Variants in TRAF3IP2 observed in about 807,000 individuals in gnomAD.
The protein encoded by TRAF3IP2 is E3 ubiquitin ligase TRAF3IP2.
Under a neutral mutation model 57.9 loss-of-function variants are expected in TRAF3IP2, and 35 were observed. That is an observed-to-expected ratio of 0.60 (90% CI 0.46 to 0.80). TRAF3IP2 has a LOEUF of 0.80. TRAF3IP2 is among the 30% of genes least tolerant of loss of function. The pLI, the probability that TRAF3IP2 is intolerant of heterozygous loss-of-function variation, is 0.00. For synonymous variants in TRAF3IP2, 251 were observed against 268.9 expected, an observed-to-expected ratio of 0.93 and a Z score of 0.65; for missense variants, 556 against 706.4, an observed-to-expected ratio of 0.79 and a Z score of 2.41.
chr6:111,577,118 G>T (rs1796014923), intron 3 of TRAF3IP2: 1 of 148,902 alleles, frequency 6.7e-6, no homozygotes, highest in East Asian at 1.9e-4. Context: ...TTCAGCTAAT[G>T]GGGGATCCCA....
intron 5 of TRAF3IP2, among the ~76,000 whole-genome samples, chr6:111,571,910 G>A (rs1795843983): frequency 1.4e-5 from 2 of 144,618 alleles, no homozygotes; most frequent in African/African-American, 5.2e-5. Flanking sequence ...TCTAGACTCT[G>A]TCTCAAAAAA....
chr6:111,557,981 C>G lies in TRAF3IP2; in HGVS notation c.*1424G>C, dbSNP rs931861131. 6.6e-6 allele frequency: 1 copy of G among 151,972 alleles called. No homozygotes were observed. The highest frequency in any genetic ancestry group is 2.4e-5 in the African/African-American group (1 of 41,372). 9.4% of individuals were successfully genotyped at this position (151,972 alleles called of 1,614,324 possible). On this transcript the variant is annotated 3_prime_UTR_variant, in exon 9 of 9. Coordinates refer to ENST00000368761, the MANE Select transcript of TRAF3IP2 (RefSeq NM_147686.4). ...GTTGCAGTGAGCCAAGATTGCAGCA[C>G]TGCACTCCAGCCTGGACGACAGAGC... is the stretch of plus-strand genomic sequence containing the variant.
intron 7 of TRAF3IP2, among the ~76,000 whole-genome samples, chr6:111,565,463 A>G (rs990593151): frequency 1.3e-5 from 2 of 152,178 alleles, no homozygotes; most frequent in African/African-American, 2.4e-5. Flanking sequence ...TTGGTCAACA[A>G]ACAAGCCTGA....
intron 1 of TRAF3IP2, among the ~76,000 whole-genome samples, chr6:111,602,807 C>T (rs1562440135): frequency 6.6e-6 from 1 of 152,090 alleles, no homozygotes; most frequent in Non-Finnish European, 1.5e-5. Context: ...AACAATGAGG[C>T]AGCGGAGAGC....
intron 4 of TRAF3IP2, among the ~76,000 whole-genome samples, chr6:111,575,277 A>T (rs1450358168): frequency 6.6e-6 from 1 of 151,768 alleles, no homozygotes; most frequent in Non-Finnish European, 1.5e-5. Context: ...CAGCCATCAC[A>T]AAGTATAAGA....
chr6:111,566,699 T>C (rs1406807033), intron 6 of TRAF3IP2, 139 bp from the exon 7 acceptor site: 10 of 786,166 alleles, frequency 1.3e-5, no homozygotes, highest in East Asian at 1.2e-4. Flanking sequence ...CAGACTCTTA[T>C]CTCTGCTTCT....
intron 1 of TRAF3IP2, 116 bp from the exon 2 acceptor site, chr6:111,592,210 C>A (rs1796548033): frequency 4.5e-6 from 4 of 887,312 alleles, no homozygotes; most frequent in African/African-American, 3.4e-5. Flanking sequence ...AGTGAGACAC[C>A]AATGTGCTTG....
intron 7 of TRAF3IP2, among the ~76,000 whole-genome samples, chr6:111,566,087 G>C (rs1404807318): frequency 6.6e-6 from 1 of 152,128 alleles, no homozygotes; most frequent in Non-Finnish European, 1.5e-5. Flanking sequence ...TGATACAGCT[G>C]CAGGGGCCAG....
intron 1 of TRAF3IP2, 69 bp from the exon 2 acceptor site, chr6:111,592,163 CTTAAGGGACCTCATTCAAGATGTGGTTTA>C: frequency 7.8e-7 from 1 of 1,274,748 alleles, no homozygotes; most frequent in Non-Finnish European, 1.1e-6. Context: ...ACTTTATGAC[CTTAAGGGACCTCATTCAAGATGTGGTTTA>C]AATTAACAGT....
chr6:111,580,505 T>C lies in TRAF3IP2; in HGVS notation c.830-116A>G, dbSNP rs571155637. 1.7e-5 allele frequency: 14 copies of C among 829,304 alleles called. No individual in the cohort carries two copies. In the East Asian group the frequency reaches 3.8e-4, roughly 22 times the overall value. The allele number at this position is 829,304 out of a possible 1,614,324, so 51.4% of individuals were successfully genotyped here. On this transcript the variant is annotated intron_variant, in intron 2 of 8. Transcript: ENST00000368761. ...TGATCCCAGCTGAGGGGTCCAGATA[T>C]CTGTTACCACCTCTGTGATGTTTGC...
intron 2 of TRAF3IP2, among the ~76,000 whole-genome samples, chr6:111,589,069 A>G (rs1052756667): frequency 8.8e-6 from 1 of 113,082 alleles, no homozygotes; most frequent in Admixed American, 1.2e-4. Context: ...CAGAAAAATT[A>G]TCTTTTTTTT....
intron 7 of TRAF3IP2, 134 bp downstream of exon 7, chr6:111,566,310 G>A: frequency 4.1e-6 from 3 of 731,826 alleles, no homozygotes; most frequent in Non-Finnish European, 7.0e-6. Context: ...CTCCTCTCCT[G>A]ACATGGCAAG....
In TRAF3IP2 at chr6:111,591,135, C is replaced by T. The variant is rs1486321446; in HGVS notation, c.829+123G>A. Reference sequence around the variant, plus strand: ...ACACATGGAAAGCCCCTAAGAGAAGCAGAATGCCCTCCCTGCATTCTGACC... The same window carrying T: ...ACACATGGAAAGCCCCTAAGAGAAGTAGAATGCCCTCCCTGCATTCTGACC... On this transcript the variant is annotated intron_variant, in intron 2 of 8. Transcript: ENST00000368761. This position sits in a 1 kb window ranked among gnomAD's most constrained non-coding sequence, Gnocchi z 4.9. 1.4e-6 allele frequency: 1 copy of T among 695,052 alleles called. No homozygotes were observed. The allele number at this position is 695,052 out of a possible 1,614,324, so 43.1% of individuals were successfully genotyped here. A position where few individuals can be genotyped will look rare whatever the true frequency, so the allele number is the denominator to read the frequency against.
At chr6:111,575,954 A>G in intron 3 of TRAF3IP2, 133 bp from the exon 4 acceptor site, 1 of 844,896 alleles carries the variant, frequency 1.2e-6, no homozygotes, top group Non-Finnish European at 1.8e-6. Flanking sequence ...TAACTGAGAC[A>G]GAAGGAAGAG....
rs73767609 is a variant in TRAF3IP2, at chr6:111,565,780, G to A, written c.1476+664C>T. Among the ~76,000 whole-genome samples, 239 of 152,278 alleles carry A rather than the reference G, an allele frequency of 1.6e-3. 2 individuals carry two copies. The highest frequency in any genetic ancestry group is 5.2e-3 in the African/African-American group (215 of 41,554). On this transcript the variant is annotated intron_variant, in intron 7 of 8. Transcript: ENST00000368761. ...TCTCCCACTTATTTGAATATAACCA[G>A]GCCCCATAGTTCCCCACCTGTCATG...
chr6:111,573,223 G>C (rs1458055008), intron 4 of TRAF3IP2, among the ~76,000 whole-genome samples: 1 of 152,164 alleles, frequency 6.6e-6, no homozygotes, highest in Non-Finnish European at 1.5e-5. Flanking sequence ...ATGGAAATCA[G>C]AGCGACAGAG....
At chr6:111,605,471 C>T (rs1796990780) in intron 1 of TRAF3IP2, among the ~76,000 whole-genome samples, 1 of 152,244 alleles carries the variant, frequency 6.6e-6, no homozygotes, top group African/African-American at 2.4e-5. Flanking sequence ...ACACTAAGTA[C>T]CCAAACGAAT....
Position 111,559,274 on chromosome 6 carries a change from G to A in TRAF3IP2, c.*131C>T, listed in dbSNP as rs888880008. ...GAGCTCTGCACAACAGGTTTCCTGG[G>A]GGCCAGAGGGCCTCTCGGGGAGGAA... On this transcript the variant is annotated 3_prime_UTR_variant, in exon 9 of 9. Transcript: ENST00000368761. The A allele has an allele frequency of 4.2e-5, 54 of 1,294,504 alleles. No individual in the cohort carries two copies. Among genetic ancestry groups the A allele is most frequent in the Non-Finnish European group, 5.5e-5 (52 of 944,340 alleles). 80.2% of individuals were successfully genotyped at this position (1,294,504 alleles called of 1,614,324 possible).
chr6:111,605,045 T>C (rs1311605221), intron 1 of TRAF3IP2, among the ~76,000 whole-genome samples: 1 of 151,966 alleles, frequency 6.6e-6, no homozygotes, highest in Non-Finnish European at 1.5e-5. Context: ...ACCAAGTTTC[T>C]TGTCCTTTTA....
Sources: gnomAD v4.1 joint callset for allele counts (sites outside exome capture counted in the v4.1 genomes callset) on GRCh38, gnomAD v4.1.1 for gene constraint, Gnocchi (gnomAD v3.1) non-coding constraint, MANE v1.5 for transcripts, NCBI Gene and HGNC (gene_info 2026-07-23, HGNC 2026-07-21) for gene names.